Variants in GALNT11 observed in about 807,000 individuals in gnomAD.
The protein encoded by GALNT11 is polypeptide N-acetylgalactosaminyltransferase 11.
In GALNT11, 47 loss-of-function variants were observed where a neutral mutation model predicts 72.7. That is an observed-to-expected ratio of 0.65 (90% CI 0.51 to 0.82). The LOEUF is 0.82. Ranked by LOEUF, GALNT11 falls within the 40% of genes least tolerant of loss-of-function variation. GALNT11 has a pLI of 0.00. For synonymous variants in GALNT11, 270 were observed against 286.6 expected, an observed-to-expected ratio of 0.94 and a Z score of 0.58; for missense variants, 677 against 778.4, an observed-to-expected ratio of 0.87 and a Z score of 1.55.
Position 152,121,585 on chromosome 7 carries a change from C to G in GALNT11, c.1735C>G (p.Leu579Val), listed in dbSNP as rs1317258748. 6.2e-7 allele frequency: 1 copy of G among 1,614,074 alleles called. No individual in the cohort carries two copies. Among genetic ancestry groups the G allele is most frequent in the Non-Finnish European group, 8.5e-7 (1 of 1,180,040 alleles). The change falls in exon 12 of 12, where the codon CTG (leucine) becomes GTG (valine). Residue 579 changes from leucine (L) to valine (V), a missense_variant. Leu to Val is a conservative substitution (Grantham distance 32, BLOSUM62 1). Transcript: ENST00000430044. ...RLYQVSVGQCLRAVDPLGQKG... is the reference protein window; with the variant it reads ...RLYQVSVGQCVRAVDPLGQKG... The stretch of plus-strand genomic sequence containing the variant: ...ATACCAGGTGTCGGTTGGACAGTGC[C>G]TGAGAGCAGTGGATCCCCTGGGTCA...
At chr7:152,081,046 C>T (rs984492696) in intron 1 of GALNT11, among the ~76,000 whole-genome samples, 2 of 152,100 alleles carry the variant, frequency 1.3e-5, no homozygotes, top group African/African-American at 4.8e-5. Context: ...TGTAGATCTT[C>T]TACTGTGTTC....
chr7:152,109,288 AG>A (rs1481162791), intron 6 of GALNT11, among the ~76,000 whole-genome samples: 1 of 152,232 alleles, frequency 6.6e-6, no homozygotes, highest in African/African-American at 2.4e-5. Context: ...ATCCAGTTCT[AG>A]GTTGGCAATA....
intron 1 of GALNT11, among the ~76,000 whole-genome samples, chr7:152,053,451 C>T (rs931359896): frequency 6.6e-6 from 1 of 152,220 alleles, no homozygotes; most frequent in African/African-American, 2.4e-5. Context: ...TTAAAGCCAA[C>T]ACTTAAATCT....
At chr7:152,027,435 G>A (rs775570839) in intron 1 of GALNT11, among the ~76,000 whole-genome samples, 8 of 152,266 alleles carry the variant, frequency 5.3e-5, no homozygotes, top group East Asian at 1.9e-4. Flanking sequence ...TTTGAACCCC[G>A]ATGACGCACC....
intron 1 of GALNT11, among the ~76,000 whole-genome samples, chr7:152,086,497 A>G (rs931488120): frequency 2.0e-5 from 3 of 152,202 alleles, no homozygotes; most frequent in African/African-American, 7.2e-5. Flanking sequence ...ATGGTTTGGG[A>G]AAAAGAATAA....
intron 1 of GALNT11, among the ~76,000 whole-genome samples, chr7:152,026,947 C>G (rs915773721): frequency 6.6e-6 from 1 of 152,206 alleles, no homozygotes; most frequent in African/African-American, 2.4e-5. Context: ...CAGAATAAAT[C>G]TCTTTAAAAA....
intron 1 of GALNT11, among the ~76,000 whole-genome samples, chr7:152,035,352 GA>G (rs1442343002): frequency 1.3e-5 from 2 of 152,222 alleles, no homozygotes; most frequent in Admixed American, 6.5e-5. Context: ...GTGGTTTCCA[GA>G]AGCGGGACTA....
intron 1 of GALNT11, among the ~76,000 whole-genome samples, chr7:152,053,762 G>T (rs934788170): frequency 6.6e-6 from 1 of 152,200 alleles, no homozygotes; most frequent in African/African-American, 2.4e-5. Flanking sequence ...GGGAGGCCAA[G>T]GTGGGAGGAT....
intron 1 of GALNT11, among the ~76,000 whole-genome samples, chr7:152,048,413 T>C (rs1209555503): frequency 6.6e-6 from 1 of 152,106 alleles, no homozygotes; most frequent in Non-Finnish European, 1.5e-5. Context: ...GTTCTCATAC[T>C]TAAATATTGA....
chr7:152,049,830 A>G (rs1219644222), intron 1 of GALNT11, among the ~76,000 whole-genome samples: 1 of 152,086 alleles, frequency 6.6e-6, no homozygotes, highest in Admixed American at 6.5e-5. Context: ...CTGGCACCCA[A>G]GCCTTCCCAG....
intron 4 of GALNT11, chr7:152,103,608 CT>C (rs1466447825): frequency 1.2e-5 from 3 of 242,360 alleles, no homozygotes; most frequent in Non-Finnish European, 2.6e-5. Context: ...TAAAATTCCC[CT>C]GTCAGAACCA....
chr7:152,120,697 G>A (rs1017013860), intron 10 of GALNT11, 134 bp from the exon 11 acceptor site: 2 of 741,280 alleles, frequency 2.7e-6, no homozygotes, highest in African/African-American at 1.7e-5. Flanking sequence ...GTTGAAATCT[G>A]CTTCCCTGTA....
At chr7:152,084,522 C>T (rs1039318187) in intron 1 of GALNT11, among the ~76,000 whole-genome samples, 2 of 151,796 alleles carry the variant, frequency 1.3e-5, no homozygotes, top group African/African-American at 4.8e-5. Context: ...AGGAAGACTT[C>T]GTACTTTTGT....
At chr7:152,090,843 G>A (rs1016189147) in intron 1 of GALNT11, among the ~76,000 whole-genome samples, 5 of 152,030 alleles carry the variant, frequency 3.3e-5, no homozygotes, top group Non-Finnish European at 7.4e-5. Context: ...ACTTTCTAAT[G>A]TATTATTTAA....
At chr7:152,068,979 C>T (rs1390972415) in intron 1 of GALNT11, among the ~76,000 whole-genome samples, 2 of 152,272 alleles carry the variant, frequency 1.3e-5, no homozygotes, top group East Asian at 3.9e-4. Context: ...AAAACCCAGT[C>T]ACCACACTTA....
At chr7:152,106,896 C>T (rs935080599) in intron 5 of GALNT11, among the ~76,000 whole-genome samples, 1 of 152,134 alleles carries the variant, frequency 6.6e-6, no homozygotes, top group Non-Finnish European at 1.5e-5. Flanking sequence ...ATTTTCTCCT[C>T]GAAGCAATTG....
At position 152,080,799 on chromosome 7, in the gene GALNT11, TA is replaced by T. The variant is rs1227002384; in HGVS notation, c.-38-13379del. Among the ~76,000 whole-genome samples, 231 of 139,478 alleles carry T rather than the reference TA, an allele frequency of 1.7e-3. 4 individuals carry two copies. The East Asian group carries it at 0.026, about 16-fold the overall frequency. The allele number at this position is 139,478 out of a possible 152,430, so 91.5% of individuals were successfully genotyped here. A position where few individuals can be genotyped will look rare whatever the true frequency, so the allele number is the denominator to read the frequency against. On this transcript the variant is annotated intron_variant, in intron 1 of 11. Coordinates refer to ENST00000430044, the MANE Select transcript of GALNT11 (RefSeq NM_022087.4). ...CAACATGGCGAAACCCCATCTCTAATAAAAAAAAAAAACACAAAATATTAGC... is the reference window on the plus strand; with the variant it reads ...CAACATGGCGAAACCCCATCTCTAATAAAAAAAAAAACACAAAATATTAGC...
chr7:152,039,776 T>C (rs1325265317), intron 1 of GALNT11, among the ~76,000 whole-genome samples: 4 of 152,206 alleles, frequency 2.6e-5, no homozygotes, highest in Non-Finnish European at 4.4e-5. Flanking sequence ...AACACAAGCA[T>C]AACCTCTACC....
intron 8 of GALNT11, 77 bp downstream of exon 8, chr7:152,113,475 A>G: frequency 6.6e-7 from 1 of 1,512,796 alleles, no homozygotes; most frequent in Admixed American, 1.9e-5. Flanking sequence ...TTAGTTGCTT[A>G]CTTTTCACTC....
Sources: allele counts gnomAD v4.1 joint callset (sites outside exome capture counted in the v4.1 genomes callset), GRCh38; gene constraint gnomAD v4.1.1; transcripts MANE v1.5; gene names NCBI Gene and HGNC (gene_info 2026-07-23, HGNC 2026-07-21).